The following CEMIP variants were observed in gnomAD, a reference collection of about 807,000 sequenced individuals.
CEMIP encodes the protein cell migration-inducing and hyaluronan-binding protein.
Under a neutral mutation model 156.9 loss-of-function variants are expected in CEMIP, and 105 were observed. That is an observed-to-expected ratio of 0.67 (90% CI 0.57 to 0.79). The LOEUF (loss-of-function observed/expected upper bound fraction) is 0.79, where lower values mean the gene tolerates loss of function less well. Among genes scored for constraint, CEMIP ranks in the 30% least tolerant of loss-of-function variants. The pLI is 0.00. For synonymous variants in CEMIP, 676 were observed against 668.4 expected (o/e 1.01, Z -0.17); for missense variants, 1,457 against 1,769.4 (o/e 0.82, Z 3.17).
chr15:80,873,371 T>C (rs1423750252), intron 1 of CEMIP, among the ~76,000 whole-genome samples, 167 bp from the exon 2 acceptor site: 1 of 152,180 alleles, frequency 6.6e-6, no homozygotes, highest in Non-Finnish European at 1.5e-5. Context: ...ACTGATAATG[T>C]AAAGGTTAGA....
At chr15:80,878,916 G>A (rs551291625) in intron 4 of CEMIP, 49 bp downstream of exon 4, 1 of 1,611,416 alleles carries the variant, frequency 6.2e-7, no homozygotes, top group Admixed American at 1.7e-5. Flanking sequence ...CTGCCCCAGA[G>A]CTTAGCAGAT....
chr15:80,942,014 A>G lies in CEMIP; in HGVS notation c.3573A>G (p.Val1191=), dbSNP rs2141971758. The G allele has an allele frequency of 2.5e-6, 4 of 1,613,798 alleles. No individual in the cohort carries two copies. In the South Asian group the frequency reaches 3.3e-5, roughly 13 times the overall value. ...AYPKFTERAV[V]DVPMPKKLFG... Reference sequence around the variant, plus strand: ...CCAAGTTCACCGAGAGGGCTGTCGTAGACGTGCCGATGCCCAAGAAGCTCT... The same window carrying G: ...CCAAGTTCACCGAGAGGGCTGTCGTGGACGTGCCGATGCCCAAGAAGCTCT... Residue 1191 remains valine, a synonymous_variant, in exon 26 of 30, where the codon GTA becomes GTG. Transcript: ENST00000394685.
chr15:80,815,293 C>A (rs1896764850), intron 1 of CEMIP, among the ~76,000 whole-genome samples: 1 of 152,238 alleles, frequency 6.6e-6, no homozygotes, highest in Admixed American at 6.5e-5. Flanking sequence ...CCTGCCTGGC[C>A]CAATTCCCAG....
chr15:80,801,583 G>A lies in CEMIP; in HGVS notation c.-176+21969G>A, dbSNP rs374211891. The stretch of plus-strand genomic sequence containing the variant: ...GGTCAGTTCATGTTCAAGGGGAGGA[G>A]ATTTAGACTCTACCTTTTAATGGGA... On this transcript the variant is annotated intron_variant, in intron 1 of 29. Coordinates refer to ENST00000394685, the MANE Select transcript of CEMIP (RefSeq NM_001293298.2). Among the ~76,000 whole-genome samples, 21 of 152,352 alleles carry A rather than the reference G, an allele frequency of 1.4e-4. No homozygotes were observed. The East Asian group carries it at 3.7e-3, about 27-fold the overall frequency.
chr15:80,904,111 T>C (rs1899687311), intron 12 of CEMIP, among the ~76,000 whole-genome samples: 1 of 152,240 alleles, frequency 6.6e-6, no homozygotes, highest in Non-Finnish European at 1.5e-5. Flanking sequence ...TGGTGTCCAC[T>C]CCTGACCCCT....
At chr15:80,790,332 T>C (rs959197347) in intron 1 of CEMIP, among the ~76,000 whole-genome samples, 1 of 152,222 alleles carries the variant, frequency 6.6e-6, no homozygotes, top group African/African-American at 2.4e-5. Flanking sequence ...TCTGCTCTGG[T>C]ATTTGAATGA....
At chr15:80,902,010 C>T (rs1242433124) in intron 12 of CEMIP, among the ~76,000 whole-genome samples, 1 of 152,208 alleles carries the variant, frequency 6.6e-6, no homozygotes, top group Non-Finnish European at 1.5e-5. Context: ...CTGGGCTTGT[C>T]CTCATACCCG....
chr15:80,790,978 G>A (rs1194343844), intron 1 of CEMIP, among the ~76,000 whole-genome samples: 1 of 152,188 alleles, frequency 6.6e-6, no homozygotes, highest in Non-Finnish European at 1.5e-5. Context: ...AAACTACTTT[G>A]CTGGGGAAAG....
At chr15:80,818,959 G>A (rs4260012) in intron 1 of CEMIP, among the ~76,000 whole-genome samples, 67,068 of 151,904 alleles carry the variant, frequency 0.44, 15,097 homozygotes, top group Non-Finnish European at 0.49. Context: ...TCTTCCCAGC[G>A]TGCATTACAG....
intron 1 of CEMIP, among the ~76,000 whole-genome samples, chr15:80,861,394 T>G (rs1047924162): frequency 1.3e-5 from 2 of 152,226 alleles, no homozygotes; most frequent in Admixed American, 1.3e-4. Flanking sequence ...AGGTGCTTCA[T>G]GAATGAACCC....
chr15:80,824,344 A>G (rs750276571), intron 1 of CEMIP, among the ~76,000 whole-genome samples: 7 of 152,174 alleles, frequency 4.6e-5, no homozygotes, highest in Non-Finnish European at 8.8e-5. Context: ...TGAGGGTGGC[A>G]TAGGGTCTTT....
In CEMIP at chr15:80,937,902, C is replaced by T. The variant is rs200438560; in HGVS notation, c.3330C>T (p.Phe1110=). Residue 1110 remains phenylalanine, a synonymous_variant, in exon 25 of 30, where the codon TTC becomes TTT. Coordinates refer to ENST00000394685, the MANE Select transcript of CEMIP (RefSeq NM_001293298.2). ...LLKQTSKTGV[F]VRTLQMDKVE... ...AGCAAACGTCCAAGACGGGCGTCTTCGTGAGGACCTTGCAGATGGACAAAG... is the reference window on the plus strand; with the variant it reads ...AGCAAACGTCCAAGACGGGCGTCTTTGTGAGGACCTTGCAGATGGACAAAG... 4.5e-5 allele frequency: 73 copies of T among 1,614,192 alleles called. No individual in the cohort carries two copies. Among genetic ancestry groups the T allele is most frequent in the Admixed American group, 1.2e-4 (7 of 60,026 alleles).
At position 80,936,593 on chromosome 15, in the gene CEMIP, A is replaced by G. The variant is rs1234744109; in HGVS notation, c.3010-81A>G. On this transcript the variant is annotated intron_variant, in intron 23 of 29. Coordinates refer to ENST00000394685, the MANE Select transcript of CEMIP (RefSeq NM_001293298.2). The stretch of plus-strand genomic sequence containing the variant: ...GAAAGTGCCTTTGAAAGTGCGGTCT[A>G]TAGTCAGATGTTAGCCAGACGCTCT... 5 of 1,249,796 alleles carry G rather than the reference A, an allele frequency of 4.0e-6. No individual in the cohort carries two copies. In the Admixed American group the frequency reaches 6.7e-5, roughly 17 times the overall value. 77.4% of individuals were successfully genotyped at this position (1,249,796 alleles called of 1,614,324 possible). A position where few individuals can be genotyped will look rare whatever the true frequency, so the allele number is the denominator to read the frequency against.
intron 17 of CEMIP, among the ~76,000 whole-genome samples, chr15:80,922,431 G>A (rs1900512042): frequency 6.6e-6 from 1 of 152,224 alleles, no homozygotes; most frequent in Admixed American, 6.5e-5. Context: ...TTCTCTTGGT[G>A]GCCCCTGAGC....
intron 1 of CEMIP, among the ~76,000 whole-genome samples, chr15:80,837,127 G>A (rs1897287310): frequency 1.3e-5 from 2 of 152,204 alleles, no homozygotes; most frequent in African/African-American, 4.8e-5. Flanking sequence ...AGGCCCTGAG[G>A]CCAAGGAGAA....
rs114810334 is a variant in CEMIP at position 80,951,248 on chromosome 15, C to G, written c.*2324C>G. The G allele has an allele frequency of 3.9e-4, 59 of 152,736 alleles. No individual in the cohort carries two copies. The highest frequency in any genetic ancestry group is 1.4e-3 in the African/African-American group (57 of 41,556). 9.5% of individuals were successfully genotyped at this position (152,736 alleles called of 1,614,324 possible). A position where few individuals can be genotyped will look rare whatever the true frequency, so the allele number is the denominator to read the frequency against. The stretch of plus-strand genomic sequence containing the variant: ...AATGTTGAATGTCTTTGGCTCAGTT[C>G]ATTTAAAAAAGATATCTATTTGAAA... On this transcript the variant is annotated 3_prime_UTR_variant, in exon 30 of 30. Coordinates refer to ENST00000394685, the MANE Select transcript of CEMIP (RefSeq NM_001293298.2).
chr15:80,828,376 T>C (rs1897085722), intron 1 of CEMIP, among the ~76,000 whole-genome samples: 1 of 149,080 alleles, frequency 6.7e-6, no homozygotes, highest in South Asian at 2.1e-4. Context: ...TGAGACTCTG[T>C]CTCAAAAGAA....
chr15:80,796,742 A>G (rs1158725561), intron 1 of CEMIP, among the ~76,000 whole-genome samples: 1 of 152,198 alleles, frequency 6.6e-6, no homozygotes, highest in Admixed American at 6.5e-5. Context: ...GAGAATGCAA[A>G]ACCCAGTAAC....
chr15:80,849,956 C>G (rs1437809759), intron 1 of CEMIP, among the ~76,000 whole-genome samples: 2 of 152,226 alleles, frequency 1.3e-5, no homozygotes. Context: ...GGGCCACCCT[C>G]TGCTAAGCCA....
Sources: gnomAD v4.1 joint callset for allele counts (sites outside exome capture counted in the v4.1 genomes callset) on GRCh38, gnomAD v4.1.1 for gene constraint, MANE v1.5 for transcripts, NCBI Gene and HGNC (gene_info 2026-07-23, HGNC 2026-07-21) for gene names.